The following TBCE variants were observed in gnomAD, a reference collection of about 807,000 sequenced individuals.
TBCE encodes tubulin folding cofactor E, also known as tubulin-specific chaperone E.
Under a neutral mutation model 77.0 loss-of-function variants are expected in TBCE, and 53 were observed. That is an observed-to-expected ratio of 0.69 (90% CI 0.55 to 0.87). The LOEUF is 0.87. Among genes scored for constraint, TBCE ranks in the 40% least tolerant of loss-of-function variants. The pLI is 0.00. For synonymous variants in TBCE, 235 were observed against 241.3 expected (o/e 0.97, Z 0.24); for missense variants, 624 against 622.4 (o/e 1.00, Z -0.03).
At chr1:235,426,407 C>G (rs1280075457) in intron 5 of TBCE, among the ~76,000 whole-genome samples, 7 of 152,154 alleles carry the variant, frequency 4.6e-5, no homozygotes, top group Non-Finnish European at 7.3e-5. Context: ...CTCTTCTCTG[C>G]CCTGTAGATG....
At chr1:235,435,259 C>G (rs1408665583) in intron 8 of TBCE, among the ~76,000 whole-genome samples, 1 of 152,016 alleles carries the variant, frequency 6.6e-6, no homozygotes, top group African/African-American at 2.4e-5. Flanking sequence ...TGCCACCATG[C>G]CTGGCTAATT....
intron 3 of TBCE, among the ~76,000 whole-genome samples, chr1:235,411,598 T>C (rs1488158755): frequency 6.6e-6 from 1 of 151,868 alleles, no homozygotes; most frequent in East Asian, 1.9e-4. Context: ...ATTAAGAAAG[T>C]AAAGGAATAA....
At chr1:235,413,780 C>G (rs1344763659) in intron 3 of TBCE, 1 of 148,126 alleles carries the variant, frequency 6.8e-6, no homozygotes, top group Non-Finnish European at 1.5e-5. Flanking sequence ...AGGTCTCTCT[C>G]TGTTACCAAA....
chr1:235,431,363 CTTT>C (rs60208965), intron 7 of TBCE, among the ~76,000 whole-genome samples: 1 of 141,252 alleles, frequency 7.1e-6, no homozygotes, highest in Non-Finnish European at 1.6e-5. Context: ...ATTCCACTTT[CTTT>C]TTTTTTTTTT....
chr1:235,420,342 T>C (rs76096327), intron 5 of TBCE, among the ~76,000 whole-genome samples: 1 of 149,764 alleles, frequency 6.7e-6, no homozygotes, highest in Non-Finnish European at 1.5e-5. Flanking sequence ...TGAGATGGAG[T>C]CTTGCTCTGT....
intron 1 of TBCE, among the ~76,000 whole-genome samples, chr1:235,375,782 C>G (rs1677254968): frequency 6.6e-6 from 1 of 152,130 alleles, no homozygotes; most frequent in Non-Finnish European, 1.5e-5. Context: ...GAGGTTCACA[C>G]CTGTAATCCC....
At chr1:235,395,470 T>C (rs953731523) in intron 2 of TBCE, among the ~76,000 whole-genome samples, 12 of 152,086 alleles carry the variant, frequency 7.9e-5, no homozygotes, top group Admixed American at 4.6e-4. Context: ...TGTATTTTTG[T>C]GCCCATTAAC....
chr1:235,379,111 T>C (rs2102811185), intron 1 of TBCE, among the ~76,000 whole-genome samples: 2 of 152,310 alleles, frequency 1.3e-5, no homozygotes, highest in Middle Eastern at 3.4e-3. Context: ...GATTTCTTCT[T>C]TCTTAACTAT....
intron 2 of TBCE, among the ~76,000 whole-genome samples, chr1:235,380,651 T>C (rs1416662257): frequency 6.6e-6 from 1 of 152,166 alleles, no homozygotes; most frequent in Non-Finnish European, 1.5e-5. Context: ...ATTTTGCGTA[T>C]TTCTTAATTA....
chr1:235,397,507 C>G (rs760098010), intron 2 of TBCE, among the ~76,000 whole-genome samples: 11 of 152,178 alleles, frequency 7.2e-5, no homozygotes, highest in Admixed American at 2.0e-4. Context: ...GCCACCGCGT[C>G]CGGCACTTTG....
chr1:235,437,424 C>G lies in TBCE; in HGVS notation c.1066C>G (p.Leu356Val), dbSNP rs1263247432. Reference protein sequence around the residue: ...KEDKEAETARLLIIASIGQLK... With the variant: ...KEDKEAETARVLIIASIGQLK... ...GGACAAAGAAGCAGAGACGGCGCGA[C>G]TACTCATTATCGCCAGCATTGGCCA... is the stretch of plus-strand genomic sequence containing the variant. Residue 356 changes from leucine (L) to valine (V), a missense_variant, in exon 12 of 17, where the codon CTA (leucine) becomes GTA (valine). Leu to Val is a conservative substitution (Grantham distance 32). Transcript: ENST00000642610. 6 of 1,614,150 alleles carry G rather than the reference C, an allele frequency of 3.7e-6. No individual in the cohort carries two copies. Among genetic ancestry groups the G allele is most frequent in the Non-Finnish European group, 5.1e-6 (6 of 1,180,028 alleles).
chr1:235,435,106 TG>T (rs937650803), intron 8 of TBCE, among the ~76,000 whole-genome samples: 3 of 145,290 alleles, frequency 2.1e-5, no homozygotes, highest in Non-Finnish European at 4.5e-5. Context: ...TTTTTTGTTT[TG>T]TTTTTTTTTT....
At chr1:235,398,191 G>A (rs1178117392) in intron 2 of TBCE, among the ~76,000 whole-genome samples, 1 of 148,610 alleles carries the variant, frequency 6.7e-6, no homozygotes, top group Admixed American at 6.8e-5. Context: ...TGTCGCCCAG[G>A]TTGGAGTACA....
chr1:235,400,918 A>G (rs534322090), intron 2 of TBCE, among the ~76,000 whole-genome samples: 2 of 147,716 alleles, frequency 1.4e-5, no homozygotes, highest in African/African-American at 5.1e-5. Context: ...AGTCTCGACC[A>G]GTCTCGAATT....
At position 235,414,623 on chromosome 1, in the gene TBCE, G is replaced by A. The variant is rs1680011798; in HGVS notation, c.371+5G>A. ...CTCTATTATGAAACAGCAAAGGTAAGTGGAGTTTATAACGGCAGAGCTGAC... is the reference window on the plus strand; with the variant it reads ...CTCTATTATGAAACAGCAAAGGTAAATGGAGTTTATAACGGCAGAGCTGAC... On this transcript the variant is annotated splice_donor_5th_base_variant and intron_variant, in intron 4 of 16. Coordinates refer to ENST00000642610, the MANE Select transcript of TBCE (RefSeq NM_003193.5). 1 of 1,613,284 alleles carries A rather than the reference G, an allele frequency of 6.2e-7. No individual in the cohort carries two copies. Among genetic ancestry groups the A allele is most frequent in the Non-Finnish European group, 8.5e-7 (1 of 1,179,820 alleles).
chr1:235,368,199 C>T (rs189136573), intron 1 of TBCE, among the ~76,000 whole-genome samples: 1 of 152,310 alleles, frequency 6.6e-6, no homozygotes, highest in Admixed American at 6.5e-5. Context: ...AGCCACCGCG[C>T]CCGGCCTAAA....
At chr1:235,419,174 T>C (rs1029120317) in intron 4 of TBCE, 17 of 445,654 alleles carry the variant, frequency 3.8e-5, no homozygotes, top group African/African-American at 3.2e-4. Flanking sequence ...GCCACTGCAC[T>C]CCAGCCTGGG....
At chr1:235,446,090 G>A (rs748777350) in intron 15 of TBCE, among the ~76,000 whole-genome samples, 3 of 152,208 alleles carry the variant, frequency 2.0e-5, no homozygotes, top group Non-Finnish European at 4.4e-5. Context: ...TATGGCTAGA[G>A]GACATGGCAT....
chr1:235,415,041 C>G (rs538169111), intron 4 of TBCE: 22 of 243,004 alleles, frequency 9.1e-5, no homozygotes, highest in African/African-American at 4.5e-4. Context: ...CCTCGGGCTG[C>G]ACATCTTCAT....
Sources: gnomAD v4.1 joint callset for allele counts (sites outside exome capture counted in the v4.1 genomes callset) on GRCh38, gnomAD v4.1.1 for gene constraint, MANE v1.5 for transcripts, NCBI Gene and HGNC (gene_info 2026-07-23, HGNC 2026-07-21) for gene names.